The following CFAP299 variants were observed in gnomAD, a reference collection of about 807,000 sequenced individuals.
CFAP299 encodes the protein cilia and flagella associated protein 299, also known as cilia- and flagella-associated protein 299.
In CFAP299, 21 loss-of-function variants were observed where a neutral mutation model predicts 27.0. That is an observed-to-expected ratio of 0.78 (90% CI 0.55 to 1.12). CFAP299 has a LOEUF of 1.12. Ranked by LOEUF, CFAP299 falls within the 50% of genes most tolerant of loss-of-function variation. The probability of loss-of-function intolerance (pLI) is 0.00; values close to 1 mark genes in which losing one functional copy is unlikely to be tolerated. For synonymous variants in CFAP299, 104 were observed against 98.1 expected (o/e 1.06, Z -0.36); for missense variants, 310 against 276.6 (o/e 1.12, Z -0.86).
At chr4:80,799,521 T>TACATTTATATATGTA (rs1309092981) in intron 3 of CFAP299, among the ~76,000 whole-genome samples, 1 of 79,250 alleles carries the variant, frequency 1.3e-5, no homozygotes, top group East Asian at 4.1e-4. Context: ...TATATTTATA[T>TACATTTATATATGTA]AATATATAAT....
intron 3 of CFAP299, among the ~76,000 whole-genome samples, chr4:80,846,253 G>A (rs1731177703): frequency 6.6e-6 from 1 of 152,162 alleles, no homozygotes; most frequent in Non-Finnish European, 1.5e-5. Context: ...CCAATGAGAT[G>A]AGTTTCAAAG....
chr4:80,583,473 T>A (rs1736275000), intron 3 of CFAP299, among the ~76,000 whole-genome samples: 1 of 151,886 alleles, frequency 6.6e-6, no homozygotes, highest in Non-Finnish European at 1.5e-5. Context: ...TCCTGCTTCT[T>A]TTAAACTTAA....
At chr4:80,698,297 A>G (rs1721242344) in intron 3 of CFAP299, among the ~76,000 whole-genome samples, 1 of 152,222 alleles carries the variant, frequency 6.6e-6, no homozygotes, top group Admixed American at 6.5e-5. Context: ...ACTATTTTCT[A>G]TCACAATGGG....
chr4:80,952,828 A>G (rs1737853711), intron 5 of CFAP299, among the ~76,000 whole-genome samples: 1 of 152,072 alleles, frequency 6.6e-6, no homozygotes, highest in Non-Finnish European at 1.5e-5. Context: ...AAAGGTGTTC[A>G]TTACCTGTTT....
intron 3 of CFAP299, among the ~76,000 whole-genome samples, chr4:80,728,074 A>G (rs966602566): frequency 6.6e-6 from 1 of 152,082 alleles, no homozygotes; most frequent in African/African-American, 2.4e-5. Flanking sequence ...GAAACATTGC[A>G]ATTTCAAAAT....
At chr4:80,559,325 T>C (rs902796094) in intron 2 of CFAP299, among the ~76,000 whole-genome samples, 1 of 152,148 alleles carries the variant, frequency 6.6e-6, no homozygotes, top group Non-Finnish European at 1.5e-5. Context: ...TCTGCCATAA[T>C]ATATAGATCA....
At chr4:80,934,675 T>C (rs1397251226) in intron 4 of CFAP299, among the ~76,000 whole-genome samples, 1 of 152,100 alleles carries the variant, frequency 6.6e-6, no homozygotes, top group Non-Finnish European at 1.5e-5. Flanking sequence ...ATCCAATTTG[T>C]TGGTAAGTGT....
At chr4:80,343,779 C>T (rs1439570480) in intron 1 of CFAP299, among the ~76,000 whole-genome samples, 16 of 116,376 alleles carry the variant, frequency 1.4e-4, no homozygotes, top group African/African-American at 5.0e-4. Context: ...CCGGCCTGGG[C>T]GACAGAGCGA....
intron 2 of CFAP299, chr4:80,420,205 C>T (rs778159615): frequency 1.3e-5 from 6 of 456,016 alleles, no homozygotes; most frequent in South Asian, 9.3e-5. Context: ...TTCTTTCGGA[C>T]TTTTACAGGT....
chr4:80,800,746 AG>A (rs1728528852), intron 3 of CFAP299, among the ~76,000 whole-genome samples: 1 of 116,200 alleles, frequency 8.6e-6, no homozygotes. Context: ...ATATATAATC[AG>A]TGTGTGTGTG....
chr4:80,945,985 C>T (rs1187780786), intron 5 of CFAP299, among the ~76,000 whole-genome samples: 1 of 151,596 alleles, frequency 6.6e-6, no homozygotes, highest in Admixed American at 6.6e-5. Flanking sequence ...GAAACCCCAT[C>T]TGTACTAAAA....
At chr4:80,553,010 A>T (rs192376401) in intron 2 of CFAP299, among the ~76,000 whole-genome samples, 2,559 of 150,772 alleles carry the variant, frequency 0.017, 55 homozygotes, top group African/African-American at 0.049. Context: ...TTTTTTTTTT[A>T]AAGTTTTATT....
chr4:80,411,572 G>C (rs1029815177), intron 2 of CFAP299, among the ~76,000 whole-genome samples: 7 of 151,668 alleles, frequency 4.6e-5, no homozygotes, highest in Admixed American at 2.0e-4. Flanking sequence ...AACAACCTTT[G>C]CTATATATTA....
intron 4 of CFAP299, among the ~76,000 whole-genome samples, chr4:80,941,742 C>A (rs1033177868): frequency 1.1e-4 from 17 of 152,262 alleles, no homozygotes; most frequent in Middle Eastern, 3.4e-3. Flanking sequence ...GCAGCACATG[C>A]TTTTGGGGAG....
At chr4:80,381,385 T>TAAAATTCTTGTAAATCGCTAA (rs1167375951) in intron 2 of CFAP299, among the ~76,000 whole-genome samples, 2 of 962 alleles carry the variant, frequency 2.1e-3, no homozygotes, top group African/African-American at 2.5e-3. Context: ...TATACATTTT[T>TAAAATTCTTGTAAATCGCTAA]TTTTTTTTTT....
intron 3 of CFAP299, among the ~76,000 whole-genome samples, chr4:80,825,325 C>T (rs188853340): frequency 6.6e-6 from 1 of 151,914 alleles, no homozygotes; most frequent in Admixed American, 6.6e-5. Context: ...ATCAGAAGGA[C>T]ACTAGAAAGA....
At chr4:80,805,639 T>C (rs544045433) in intron 3 of CFAP299, among the ~76,000 whole-genome samples, 1 of 151,344 alleles carries the variant, frequency 6.6e-6, no homozygotes, top group Non-Finnish European at 1.5e-5. Context: ...AGCCCAGGAG[T>C]TCAAGACTAG....
At chr4:80,556,787 C>T (rs536313180) in intron 2 of CFAP299, among the ~76,000 whole-genome samples, 22 of 152,026 alleles carry the variant, frequency 1.4e-4, no homozygotes, top group South Asian at 4.1e-4. Flanking sequence ...TATGTTTACT[C>T]CTCATAGAGA....
intron 4 of CFAP299, among the ~76,000 whole-genome samples, chr4:80,886,870 C>A (rs1560463212): frequency 6.6e-6 from 1 of 151,876 alleles, no homozygotes; most frequent in East Asian, 1.9e-4. Context: ...ATAAATTTAA[C>A]AAAGAGATTG....
Sources: allele counts gnomAD v4.1 joint callset (sites outside exome capture counted in the v4.1 genomes callset), GRCh38; gene constraint gnomAD v4.1.1; transcripts MANE v1.5; gene names NCBI Gene and HGNC (gene_info 2026-07-23, HGNC 2026-07-21).